The following ANKRD11 variants were observed in gnomAD, a reference collection of about 807,000 sequenced individuals.
ANKRD11 encodes ankyrin repeat domain 11, also known as ankyrin repeat domain-containing protein 11.
A neutral mutation model predicts 195.7 loss-of-function variants in ANKRD11; 17 were observed. The ratio of observed to expected loss-of-function variants is 0.09; its 90% CI spans 0.06 to 0.13. The LOEUF is 0.13. ANKRD11 is among the 10% of genes least tolerant of loss of function. The pLI, the probability that ANKRD11 is intolerant of heterozygous loss-of-function variation, is 1.00. For synonymous variants in ANKRD11, 1,953 were observed against 1,528.1 expected, an observed-to-expected ratio of 1.28 and a Z score of -6.49; for missense variants, 3,735 against 3,566.1, an observed-to-expected ratio of 1.05 and a Z score of -1.21.
intron 2 of ANKRD11, chr16:89,323,146 G>A: frequency 2.7e-6 from 1 of 374,224 alleles, no homozygotes; most frequent in Non-Finnish European, 5.0e-6. Context: ...GAGAAGCACG[G>A]TCTCCAGCGG....
chr16:89,476,737 G>A (rs1407650073), intron 1 of ANKRD11, among the ~76,000 whole-genome samples: 17 of 152,214 alleles, frequency 1.1e-4, no homozygotes, highest in African/African-American at 3.9e-4. Flanking sequence ...CCAGCAAAGA[G>A]ATGGGGGCCC....
chr16:89,342,035 C>CTCCTCCACGA, intron 2 of ANKRD11, among the ~76,000 whole-genome samples: 1 of 42,368 alleles, frequency 2.4e-5, no homozygotes, highest in African/African-American at 6.8e-5. Flanking sequence ...CTCCACTGCC[C>CTCCTCCACGA]ACAGCGGCCA....
rs561705970 is a variant in ANKRD11 at position 89,406,400 on chromosome 16, G to A, written c.-60+11884C>T. Among the ~76,000 whole-genome samples, 11 of 152,300 alleles carry A rather than the reference G, an allele frequency of 7.2e-5. No individual in the cohort carries two copies. The East Asian group carries it at 1.9e-3, about 27-fold the overall frequency. On this transcript the variant is annotated intron_variant, in intron 2 of 12. Transcript: ENST00000301030. ...TGAGGGCGACAAAACACCAGCCGGC[G>A]CGCTCTGAGACTTGCGGTCAGTCCT...
At chr16:89,472,857 A>G (rs1443739459) in intron 1 of ANKRD11, among the ~76,000 whole-genome samples, 1 of 152,180 alleles carries the variant, frequency 6.6e-6, no homozygotes, top group Non-Finnish European at 1.5e-5. Context: ...CCAATGGCAG[A>G]AGTCACAAGT....
In ANKRD11 at chr16:89,430,265, ACT is replaced by A. The variant is rs1456750286; in HGVS notation, c.-144-11899_-144-11898del. Reference sequence around the variant, plus strand: ...TCAGTCGTTCTAGTACACAGCAGGGACTCTCAACTCTCAGGCTCAGTCGTTCT... The same window carrying A: ...TCAGTCGTTCTAGTACACAGCAGGGACTCAACTCTCAGGCTCAGTCGTTCT... On this transcript the variant is annotated intron_variant, in intron 1 of 12. Coordinates refer to ENST00000301030, the MANE Select transcript of ANKRD11 (RefSeq NM_013275.6). 7.4e-5 allele frequency among the ~76,000 whole-genome samples: 9 copies of A among 120,906 alleles called. No individual in the cohort carries two copies. The South Asian group carries it at 9.9e-4, about 13-fold the overall frequency. The allele number at this position is 120,906 out of a possible 152,430, so 79.3% of individuals were successfully genotyped here.
At chr16:89,276,402 A>G (rs1027626520) in intron 9 of ANKRD11, among the ~76,000 whole-genome samples, 1 of 152,192 alleles carries the variant, frequency 6.6e-6, no homozygotes. Context: ...TCCAAGACAC[A>G]CACACACACC....
At chr16:89,353,570 C>T (rs935760122) in intron 2 of ANKRD11, among the ~76,000 whole-genome samples, 6 of 151,748 alleles carry the variant, frequency 4.0e-5, no homozygotes, top group African/African-American at 9.7e-5. Context: ...CTCCGCCTTC[C>T]GGGTTCAAGC....
intron 2 of ANKRD11, among the ~76,000 whole-genome samples, chr16:89,368,495 C>A (rs1479477047): frequency 6.9e-6 from 1 of 145,782 alleles, no homozygotes; most frequent in Non-Finnish European, 1.5e-5. Context: ...GCTGGGATTA[C>A]AGGCATGAGC....
intron 3 of ANKRD11, among the ~76,000 whole-genome samples, chr16:89,314,836 T>C (rs908090831): frequency 6.6e-6 from 1 of 152,126 alleles, no homozygotes; most frequent in African/African-American, 2.4e-5. Context: ...CTACCACCCT[T>C]ACCCTAAAAC....
intron 2 of ANKRD11, among the ~76,000 whole-genome samples, chr16:89,403,131 C>G (rs192197885): frequency 6.6e-6 from 1 of 152,294 alleles, no homozygotes; most frequent in East Asian, 1.9e-4. Context: ...GTGACGTGCC[C>G]TCGTGCTTTC....
chr16:89,413,497 C>T (rs891382937), intron 2 of ANKRD11, among the ~76,000 whole-genome samples: 2 of 152,090 alleles, frequency 1.3e-5, no homozygotes, highest in African/African-American at 4.8e-5. Context: ...TGGTGGCGGG[C>T]ACCTATAGTC....
chr16:89,321,805 T>G (rs536750949), intron 2 of ANKRD11, among the ~76,000 whole-genome samples: 17 of 152,198 alleles, frequency 1.1e-4, no homozygotes, highest in African/African-American at 3.9e-4. Context: ...TTGCACTGCG[T>G]GGGTTCACTT....
intron 2 of ANKRD11, among the ~76,000 whole-genome samples, chr16:89,344,015 T>G (rs544069633): frequency 6.6e-6 from 1 of 152,072 alleles, no homozygotes; most frequent in East Asian, 1.9e-4. Flanking sequence ...TAAATATCGG[T>G]GCAGGCGGCC....
At chr16:89,428,268 A>G (rs182163884) in intron 1 of ANKRD11, among the ~76,000 whole-genome samples, 1,747 of 150,790 alleles carry the variant, frequency 0.012, 16 homozygotes, top group South Asian at 0.015. Flanking sequence ...GTTCACGCCT[A>G]TAATCCCAGC....
At chr16:89,441,365 T>C (rs1346283552) in intron 1 of ANKRD11, among the ~76,000 whole-genome samples, 1 of 152,168 alleles carries the variant, frequency 6.6e-6, no homozygotes, top group Non-Finnish European at 1.5e-5. Context: ...ACACAGACTC[T>C]ATTACACAGA....
chr16:89,345,253 T>A (rs3102384), intron 2 of ANKRD11, among the ~76,000 whole-genome samples: 3 of 116,676 alleles, frequency 2.6e-5, no homozygotes, highest in Admixed American at 9.1e-5. Flanking sequence ...AAGCCCCCCC[T>A]CCCCACCCCC....
At chr16:89,374,209 C>G (rs7195691) in intron 2 of ANKRD11, among the ~76,000 whole-genome samples, 1 of 152,134 alleles carries the variant, frequency 6.6e-6, no homozygotes, top group Non-Finnish European at 1.5e-5. Flanking sequence ...TATCAGACTT[C>G]AAAGATTTAC....
intron 2 of ANKRD11, among the ~76,000 whole-genome samples, chr16:89,351,283 AAC>A (rs948718398): frequency 9.8e-5 from 15 of 152,298 alleles, no homozygotes; most frequent in African/African-American, 3.4e-4. Flanking sequence ...CAGGCCGCCA[AAC>A]ACATCTGGAA....
Position 89,280,667 on chromosome 16 carries a change from C to G in ANKRD11, c.5875G>C (p.Ala1959Pro), listed in dbSNP as rs372148958. The change falls in exon 9 of 13, where the codon GCC becomes CCC. Residue 1959 changes from alanine (A) to proline (P), a missense_variant. Physicochemically the swap from Ala to Pro is conservative, Grantham distance 27. Transcript: ENST00000301030. ...GAGGTGCCCCCGATCAGGCTAGAGG[C>G]AAGCGCCTGCTCGGAGGGGTGGGCC... ...EWAHPSEQALASSLIGGTSEN... is the reference protein window; with the variant it reads ...EWAHPSEQALPSSLIGGTSEN... 1 of 1,613,414 alleles carries G rather than the reference C, an allele frequency of 6.2e-7. No homozygotes were observed. The highest frequency in any genetic ancestry group is 8.5e-7 in the Non-Finnish European group (1 of 1,179,958).
Sources: gnomAD v4.1 joint callset for allele counts (sites outside exome capture counted in the v4.1 genomes callset) on GRCh38, gnomAD v4.1.1 for gene constraint, MANE v1.5 for transcripts, NCBI Gene and HGNC (gene_info 2026-07-23, HGNC 2026-07-21) for gene names.